The following PAPPA variants were observed in gnomAD, a reference collection of about 807,000 sequenced individuals.
PAPPA encodes the protein pappalysin-1.
PAPPA carries 60 observed loss-of-function variants against 164.0 expected under a neutral mutation model. That is an observed-to-expected ratio of 0.37 (90% confidence interval 0.30 to 0.45). PAPPA has a LOEUF of 0.45. Among genes scored for constraint, PAPPA ranks in the 20% least tolerant of loss-of-function variants. The pLI is 1.00. For synonymous variants in PAPPA, 875 were observed against 814.1 expected, an observed-to-expected ratio of 1.07 and a Z score of -1.27; for missense variants, 1,782 against 2,087.3, an observed-to-expected ratio of 0.85 and a Z score of 2.85.
At chr9:116,341,445 G>C (rs984990489) in intron 13 of PAPPA, among the ~76,000 whole-genome samples, 1 of 152,064 alleles carries the variant, frequency 6.6e-6, no homozygotes, top group Non-Finnish European at 1.5e-5. Flanking sequence ...TTATACCTCT[G>C]CCCCAAACCT....
intron 3 of PAPPA, among the ~76,000 whole-genome samples, chr9:116,209,698 G>A (rs771370003): frequency 6.6e-5 from 10 of 152,110 alleles, no homozygotes; most frequent in Non-Finnish European, 5.9e-5. Flanking sequence ...AAGCAAACAG[G>A]GCTAGCCTAG....
chr9:116,338,300 C>T (rs1846089422), intron 13 of PAPPA, among the ~76,000 whole-genome samples: 1 of 152,098 alleles, frequency 6.6e-6, no homozygotes, highest in South Asian at 2.1e-4. Context: ...TTTCTACAAG[C>T]TGGTCCATTC....
At chr9:116,186,365 G>A (rs1843971438) in intron 1 of PAPPA, among the ~76,000 whole-genome samples, 1 of 152,020 alleles carries the variant, frequency 6.6e-6, no homozygotes, top group Non-Finnish European at 1.5e-5. Flanking sequence ...CAATGACTCT[G>A]TGACATAACA....
chr9:116,194,934 A>G (rs570140894), intron 2 of PAPPA, among the ~76,000 whole-genome samples: 2 of 152,338 alleles, frequency 1.3e-5, no homozygotes, highest in East Asian at 1.9e-4. Flanking sequence ...CTAGCCACAG[A>G]ATTGGTATTT....
At chr9:116,199,592 A>G (rs1752387950) in intron 2 of PAPPA, among the ~76,000 whole-genome samples, 1 of 152,288 alleles carries the variant, frequency 6.6e-6, no homozygotes, top group Non-Finnish European at 1.5e-5. Context: ...ATCCTCTTAC[A>G]TAAAATCTGC....
intron 21 of PAPPA, among the ~76,000 whole-genome samples, chr9:116,384,951 T>G (rs1163308464): frequency 6.6e-6 from 1 of 152,138 alleles, no homozygotes; most frequent in Non-Finnish European, 1.5e-5. Flanking sequence ...AAATATAAAA[T>G]ATGAAGCTGA....
chr9:116,360,651 T>G (rs1455656218), intron 17 of PAPPA, among the ~76,000 whole-genome samples: 1 of 152,220 alleles, frequency 6.6e-6, no homozygotes, highest in Non-Finnish European at 1.5e-5. Flanking sequence ...TTCATTTATT[T>G]TCTTATTTCT....
At chr9:116,263,622 C>T (rs1845029401) in intron 7 of PAPPA, among the ~76,000 whole-genome samples, 1 of 152,138 alleles carries the variant, frequency 6.6e-6, no homozygotes. Flanking sequence ...TCTCATGCTT[C>T]ATCTGCAGAT....
chr9:116,201,900 C>T (rs1376375182), intron 2 of PAPPA, among the ~76,000 whole-genome samples: 1 of 152,194 alleles, frequency 6.6e-6, no homozygotes, highest in Non-Finnish European at 1.5e-5. Flanking sequence ...CACAAACCTT[C>T]CTCCAGTTGA....
intron 7 of PAPPA, among the ~76,000 whole-genome samples, chr9:116,246,502 G>A (rs1302113390): frequency 1.3e-5 from 2 of 152,160 alleles, no homozygotes; most frequent in Non-Finnish European, 2.9e-5. Flanking sequence ...GAAAACTAAT[G>A]TTTAAGGACA....
Position 116,398,571 on chromosome 9 carries a change from T to C in PAPPA, c.*1955T>C. The C allele has an allele frequency of 7.8e-7, 1 of 1,280,616 alleles. No homozygotes were observed. The highest frequency in any genetic ancestry group is 1.0e-6 in the Non-Finnish European group (1 of 981,116). The allele number at this position is 1,280,616 out of a possible 1,614,324, so 79.3% of individuals were successfully genotyped here. On this transcript the variant is annotated 3_prime_UTR_variant, in exon 22 of 22. Transcript: ENST00000328252. The stretch of plus-strand genomic sequence containing the variant: ...CACTGACCTGGTGATCAAAAACACT[T>C]GAGAAGACATCTATTGGCCATCTCT...
In PAPPA at chr9:116,191,497, C is replaced by T. The variant is rs150853990; in HGVS notation, c.1478+3281C>T. ...CATTTATTGGGCATGTCTATCCCACCAGCCTTTCTGCTCTTCACTGGGGGT... is the reference window on the plus strand; with the variant it reads ...CATTTATTGGGCATGTCTATCCCACTAGCCTTTCTGCTCTTCACTGGGGGT... On this transcript the variant is annotated intron_variant, in intron 2 of 21. Transcript: ENST00000328252. Among the ~76,000 whole-genome samples the T allele has an allele frequency of 6.1e-3, 924 of 152,280 alleles. 6 individuals carry two copies. The highest frequency in any genetic ancestry group is 9.8e-3 in the Non-Finnish European group (666 of 68,022).
Position 116,271,823 on chromosome 9 carries a change from T to C in PAPPA, c.2953+407T>C, listed in dbSNP as rs1024045035. 6.6e-6 allele frequency among the ~76,000 whole-genome samples: 1 copy of C among 152,176 alleles called. No individual in the cohort carries two copies. Among genetic ancestry groups the C allele is most frequent in the Non-Finnish European group, 1.5e-5 (1 of 68,030 alleles). ...AAATTTCAAAAGTTGTCCAGAGTTA[T>C]ACAGGTCAAAAGTGATTAAAGACAG... is the stretch of plus-strand genomic sequence containing the variant. On this transcript the variant is annotated intron_variant, in intron 9 of 21. Transcript: ENST00000328252. The surrounding 1 kb of genome is among the most constrained non-coding windows in gnomAD (Gnocchi z 4.2).
chr9:116,335,809 T>C (rs533190807), intron 13 of PAPPA, among the ~76,000 whole-genome samples: 1 of 152,360 alleles, frequency 6.6e-6, no homozygotes, highest in East Asian at 1.9e-4. Flanking sequence ...CATAGTTTTC[T>C]ATTTTGGAAT....
chr9:116,326,448 A>C (rs17301154), intron 10 of PAPPA, among the ~76,000 whole-genome samples: 25,276 of 152,144 alleles, frequency 0.17, 2,443 homozygotes, highest in Non-Finnish European at 0.22. Flanking sequence ...AAGAAGTAAG[A>C]AGGTTTTCTG....
At chr9:116,233,123 G>C (rs964098196) in intron 6 of PAPPA, among the ~76,000 whole-genome samples, 2 of 152,166 alleles carry the variant, frequency 1.3e-5, no homozygotes, top group Admixed American at 1.3e-4. Flanking sequence ...CAGGCTAGAA[G>C]GTTAACAAAT....
intron 1 of PAPPA, among the ~76,000 whole-genome samples, chr9:116,180,558 C>CT (rs1308095983): frequency 6.6e-6 from 1 of 152,126 alleles, no homozygotes; most frequent in Non-Finnish European, 1.5e-5. Flanking sequence ...AAAAATACCA[C>CT]TTTTTCACAG....
chr9:116,235,835 A>G (rs916796896), intron 7 of PAPPA, among the ~76,000 whole-genome samples, 198 bp downstream of exon 7: 4 of 152,172 alleles, frequency 2.6e-5, no homozygotes, highest in African/African-American at 9.7e-5. Flanking sequence ...GGAAGGAACC[A>G]TTAGACCTGG....
chr9:116,393,711 G>A (rs1417690227), intron 21 of PAPPA, among the ~76,000 whole-genome samples: 5 of 152,080 alleles, frequency 3.3e-5, no homozygotes, highest in Admixed American at 2.0e-4. Flanking sequence ...TGATACTTGC[G>A]AAAAGACCTG....
Sources: allele counts gnomAD v4.1 joint callset (sites outside exome capture counted in the v4.1 genomes callset), GRCh38; gene constraint gnomAD v4.1.1; non-coding constraint Gnocchi (gnomAD v3.1); transcripts MANE v1.5; gene names NCBI Gene and HGNC (gene_info 2026-07-23, HGNC 2026-07-21).